Variants in CFAP61 observed in about 807,000 individuals in gnomAD.
CFAP61 encodes the protein cilia and flagella associated protein 61, also known as cilia- and flagella-associated protein 61.
Under a neutral mutation model 135.6 loss-of-function variants are expected in CFAP61, and 107 were observed. That is an observed-to-expected ratio of 0.79 (90% CI 0.67 to 0.93). The LOEUF (loss-of-function observed/expected upper bound fraction) is 0.93, where lower values mean the gene tolerates loss of function less well. CFAP61 is among the 40% of genes least tolerant of loss of function. CFAP61 has a pLI of 0.00. For missense variants in CFAP61, 1,507 were observed against 1,556.2 expected, an observed-to-expected ratio of 0.97 and a Z score of 0.53; for synonymous variants, 575 against 578.5, an observed-to-expected ratio of 0.99 and a Z score of 0.09.
intron 9 of CFAP61, among the ~76,000 whole-genome samples, chr20:20,152,382 A>G (rs1351900800): frequency 6.6e-6 from 1 of 152,146 alleles, no homozygotes; most frequent in African/African-American, 2.4e-5. Flanking sequence ...CAGTACTAAC[A>G]TTGAATGTAA....
chr20:20,112,835 C>A (rs1372250345), intron 8 of CFAP61, among the ~76,000 whole-genome samples: 1 of 152,134 alleles, frequency 6.6e-6, no homozygotes, highest in Non-Finnish European at 1.5e-5. Context: ...TAAGCTATTA[C>A]CAAGTGATAT....
intron 20 of CFAP61, among the ~76,000 whole-genome samples, chr20:20,260,927 G>A (rs1051117767): frequency 2.6e-5 from 4 of 152,180 alleles, no homozygotes; most frequent in African/African-American, 7.2e-5. Flanking sequence ...TATTGTGCAC[G>A]TCAGACTTTT....
chr20:20,279,383 A>G (rs1462696381), intron 22 of CFAP61, among the ~76,000 whole-genome samples: 1 of 152,204 alleles, frequency 6.6e-6, no homozygotes, highest in Admixed American at 6.6e-5. Flanking sequence ...ATGAAAATGT[A>G]TTTTGTATTT....
intron 24 of CFAP61, among the ~76,000 whole-genome samples, chr20:20,291,221 G>T (rs1257567635): frequency 6.6e-6 from 1 of 152,158 alleles, no homozygotes; most frequent in Non-Finnish European, 1.5e-5. Context: ...TGTACATTCT[G>T]TGGGTTTGGA....
At chr20:20,074,458 A>C (rs1303469282) in intron 4 of CFAP61, 80 bp downstream of exon 4, 2 of 1,247,720 alleles carry the variant, frequency 1.6e-6, no homozygotes, top group Admixed American at 3.4e-5. Flanking sequence ...AAAGACATGA[A>C]ATTCTTTGGG....
At chr20:20,355,269 G>A (rs1238721543) in intron 26 of CFAP61, among the ~76,000 whole-genome samples, 1 of 137,200 alleles carries the variant, frequency 7.3e-6, no homozygotes, top group South Asian at 2.6e-4. Flanking sequence ...TGGTCACACT[G>A]TGAGGGGTGG....
intron 16 of CFAP61, 164 bp from the exon 17 acceptor site, chr20:20,199,604 T>C (rs2056497221): frequency 4.7e-6 from 1 of 210,748 alleles, no homozygotes; most frequent in Non-Finnish European, 8.2e-6. Flanking sequence ...TTATCTACAA[T>C]TCATTCCTCT....
chr20:20,094,348 C>G (rs908803710), intron 7 of CFAP61: 4 of 152,178 alleles, frequency 2.6e-5, no homozygotes, highest in African/African-American at 7.2e-5. Flanking sequence ...TGTCTTTACA[C>G]AACTAGACAG....
Position 20,070,963 on chromosome 20 carries a change from G to A in CFAP61, c.253G>A (p.Val85Met). ...GAATGTTGCCAAGCAGGATGACTGGGTGTCAGTGTTCCGGGAGCTCGACAG... is the reference window on the plus strand; with the variant it reads ...GAATGTTGCCAAGCAGGATGACTGGATGTCAGTGTTCCGGGAGCTCGACAG... ...NWNVAKQDDW[V>M]SVFRELDSDI... The change falls in exon 3 of 27, where the codon GTG becomes ATG. Residue 85 changes from valine to methionine, a missense_variant. By Grantham distance (21) the Val-to-Met change is conservative. Coordinates refer to ENST00000245957, the MANE Select transcript of CFAP61 (RefSeq NM_015585.4). 6.2e-7 allele frequency: 1 copy of A among 1,614,198 alleles called. No individual in the cohort carries two copies. Among genetic ancestry groups the A allele is most frequent in the Non-Finnish European group, 8.5e-7 (1 of 1,180,028 alleles).
At chr20:20,080,626 C>T (rs998935028) in intron 6 of CFAP61, among the ~76,000 whole-genome samples, 2 of 152,168 alleles carry the variant, frequency 1.3e-5, no homozygotes, top group African/African-American at 2.4e-5. Flanking sequence ...AATTATTCAA[C>T]GTAAATATCA....
intron 13 of CFAP61, chr20:20,172,316 A>T (rs1265437537): frequency 2.2e-6 from 2 of 901,524 alleles, no homozygotes; most frequent in Non-Finnish European, 2.5e-6. Flanking sequence ...TGTTTTAATT[A>T]ATAAACTTTT....
intron 18 of CFAP61, among the ~76,000 whole-genome samples, chr20:20,241,473 G>A (rs2050009622): frequency 6.6e-6 from 1 of 152,136 alleles, no homozygotes; most frequent in Non-Finnish European, 1.5e-5. Context: ...TATAGGTTAG[G>A]TTTTTTAAAA....
chr20:20,337,570 A>ATAGATGGG (rs2058269810), intron 25 of CFAP61, among the ~76,000 whole-genome samples: 1 of 2,198 alleles, frequency 4.5e-4, no homozygotes, highest in Non-Finnish European at 3.4e-3. Flanking sequence ...GGATGGATGG[A>ATAGATGGG]TGGATGGATA....
At chr20:20,145,134 A>T (rs2051767399) in intron 9 of CFAP61, among the ~76,000 whole-genome samples, 1 of 152,176 alleles carries the variant, frequency 6.6e-6, no homozygotes, top group Admixed American at 6.5e-5. Flanking sequence ...TAAATATATA[A>T]GATTTTATCC....
In CFAP61 at chr20:20,242,275, A is replaced by C. The variant is rs60223290; in HGVS notation, c.2061-3842A>C. Among the ~76,000 whole-genome samples the C allele has an allele frequency of 6.9e-3, 1,057 of 152,342 alleles. 14 individuals carry two copies. The highest frequency in any genetic ancestry group is 0.023 in the African/African-American group (962 of 41,572). ...ATTGAAGGGGAGGTGTGAACTAAGA[A>C]GAGATTTTAGAAAAAAAAATCTCAT... On this transcript the variant is annotated intron_variant, in intron 18 of 26. Transcript: ENST00000245957.
intron 13 of CFAP61, among the ~76,000 whole-genome samples, chr20:20,180,727 T>G (rs2055003965): frequency 6.6e-6 from 1 of 152,112 alleles, no homozygotes. Context: ...GCAGCACTAT[T>G]CACAATAGCA....
intron 6 of CFAP61, among the ~76,000 whole-genome samples, chr20:20,077,738 T>G (rs1361638644): frequency 6.6e-6 from 1 of 152,222 alleles, no homozygotes; most frequent in Non-Finnish European, 1.5e-5. Context: ...AAAGATTTTC[T>G]GATTGGCAGT....
At position 20,277,158 on chromosome 20, in the gene CFAP61, T is replaced by C; in HGVS notation, c.2504-8T>C. The C allele has an allele frequency of 6.3e-7, 1 of 1,590,910 alleles. No individual in the cohort carries two copies. Among genetic ancestry groups the C allele is most frequent in the Non-Finnish European group, 8.6e-7 (1 of 1,163,148 alleles). On this transcript the variant is annotated splice_polypyrimidine_tract_variant and splice_region_variant and intron_variant, in intron 21 of 26. Coordinates refer to ENST00000245957, the MANE Select transcript of CFAP61 (RefSeq NM_015585.4). ...CTGTATATCTTAGCGTTTTCCCTTC[T>C]TTCCTAGGGAATATCATTGTCTATG... is the stretch of plus-strand genomic sequence containing the variant.
Position 20,192,242 on chromosome 20 carries a change from A to T in CFAP61, c.1590+823A>T, listed in dbSNP as rs549316331. Among the ~76,000 whole-genome samples the T allele has an allele frequency of 5.3e-5, 8 of 152,240 alleles. No individual in the cohort carries two copies. The South Asian group carries it at 1.7e-3, about 32-fold the overall frequency. On this transcript the variant is annotated intron_variant, in intron 15 of 26. Transcript: ENST00000245957. ...TGTTGTTGAACTTTTTGGGTTCTTC[A>T]AAAACGTCTTGTGGCTTCTTTCATG...
Sources: allele counts gnomAD v4.1 joint callset (sites outside exome capture counted in the v4.1 genomes callset), GRCh38; gene constraint gnomAD v4.1.1; transcripts MANE v1.5; gene names NCBI Gene and HGNC (gene_info 2026-07-23, HGNC 2026-07-21).